AUTS2: variants seen among roughly 807,000 people sequenced by gnomAD.
The protein encoded by AUTS2 is autism susceptibility gene 2 protein.
In AUTS2, 17 loss-of-function variants were observed where a neutral mutation model predicts 112.4. The observed-to-expected ratio is 0.15, with a 90% confidence interval of 0.10 to 0.23. AUTS2 has a LOEUF of 0.23. Ranked by LOEUF, AUTS2 falls within the 10% of genes least tolerant of loss-of-function variation. The pLI, the probability that AUTS2 is intolerant of heterozygous loss-of-function variation, is 1.00. For missense variants in AUTS2, 1,510 were observed against 1,701.6 expected (o/e 0.89, Z 1.98); for synonymous variants, 751 against 702.7 (o/e 1.07, Z -1.09).
At chr7:70,131,471 T>C (rs531383616) in intron 3 of AUTS2, among the ~76,000 whole-genome samples, 1 of 152,324 alleles carries the variant, frequency 6.6e-6, no homozygotes, top group South Asian at 2.1e-4. Context: ...ACTTTCATGG[T>C]TCTTTACCTT....
At chr7:70,451,527 A>G (rs2131069208) in intron 5 of AUTS2, among the ~76,000 whole-genome samples, 1 of 152,252 alleles carries the variant, frequency 6.6e-6, no homozygotes, top group South Asian at 2.1e-4. Flanking sequence ...TTAAATGTAC[A>G]TTTCAGTAGT....
intron 4 of AUTS2, among the ~76,000 whole-genome samples, chr7:70,206,779 A>G (rs897023818): frequency 2.0e-5 from 3 of 152,194 alleles, no homozygotes; most frequent in African/African-American, 4.8e-5. Context: ...CTGCTAAACA[A>G]TTGATCTGGG....
chr7:70,721,671 G>A (rs1040271808), intron 6 of AUTS2, among the ~76,000 whole-genome samples: 12 of 152,096 alleles, frequency 7.9e-5, no homozygotes, highest in Non-Finnish European at 1.3e-4. Context: ...CCTGCTACTG[G>A]GCTAGTCAGA....
intron 1 of AUTS2, among the ~76,000 whole-genome samples, chr7:69,691,117 C>T (rs111256291): frequency 2.0e-5 from 3 of 152,264 alleles, no homozygotes; most frequent in African/African-American, 7.2e-5. Flanking sequence ...CTACCTGAGT[C>T]CGAGGGTTTT....
chr7:70,772,126 CCCATCGGCTGCAAACAGGGCCTG>C (rs1196950635), intron 11 of AUTS2, among the ~76,000 whole-genome samples: 6 of 152,154 alleles, frequency 3.9e-5, no homozygotes, highest in Non-Finnish European at 8.8e-5. Context: ...CCTCGCCAAC[CCCATCGGCTGCAAACAGGGCCTG>C]CCGGCAGGTG....
chr7:70,439,758 AT>A (rs1294200463), intron 5 of AUTS2, among the ~76,000 whole-genome samples: 1 of 152,168 alleles, frequency 6.6e-6, no homozygotes, highest in Non-Finnish European at 1.5e-5. Flanking sequence ...CAATTGCCAA[AT>A]ATTTGGCCTA....
At chr7:69,996,946 TAA>T (rs1161825217) in intron 2 of AUTS2, among the ~76,000 whole-genome samples, 72 of 99,008 alleles carry the variant, frequency 7.3e-4, no homozygotes, top group African/African-American at 2.2e-3. Context: ...CTGGAACACT[TAA>T]AAAAAAAAAA....
intron 5 of AUTS2, among the ~76,000 whole-genome samples, chr7:70,592,911 A>G (rs1803016302): frequency 6.6e-6 from 1 of 152,138 alleles, no homozygotes; most frequent in Non-Finnish European, 1.5e-5. Context: ...GTGCGGTGCC[A>G]CCATCTTGAC....
chr7:70,412,230 A>T (rs1005294416), intron 4 of AUTS2, among the ~76,000 whole-genome samples: 2 of 152,134 alleles, frequency 1.3e-5, no homozygotes, highest in Non-Finnish European at 2.9e-5. Flanking sequence ...CCTAGAAGAT[A>T]AATTTGGCCT....
chr7:69,914,013 A>G (rs1374779581), intron 2 of AUTS2, among the ~76,000 whole-genome samples: 5 of 152,138 alleles, frequency 3.3e-5, no homozygotes, highest in Admixed American at 2.6e-4. Context: ...TCTCGACCAT[A>G]TGGTTTATTT....
chr7:70,744,038 G>T (rs997544863), intron 6 of AUTS2, among the ~76,000 whole-genome samples: 1 of 147,604 alleles, frequency 6.8e-6, no homozygotes, highest in African/African-American at 2.5e-5. Flanking sequence ...TGTATTTCCA[G>T]CCCCGAGTGT....
intron 6 of AUTS2, among the ~76,000 whole-genome samples, chr7:70,752,388 A>G (rs536090538): frequency 1.3e-5 from 2 of 152,192 alleles, no homozygotes; most frequent in African/African-American, 4.8e-5. Context: ...TCAGGTCTCT[A>G]CATATCACAT....
chr7:70,064,195 C>T (rs1393722471), intron 2 of AUTS2, among the ~76,000 whole-genome samples: 1 of 152,184 alleles, frequency 6.6e-6, no homozygotes, highest in East Asian at 1.9e-4. Context: ...GGCTCGTGTA[C>T]ACCATGCTGA....
chr7:70,113,804 C>A (rs1225952727), intron 2 of AUTS2, among the ~76,000 whole-genome samples: 2 of 152,150 alleles, frequency 1.3e-5, no homozygotes, highest in Admixed American at 6.5e-5. Flanking sequence ...CATATCCAAG[C>A]TGAAAAGAAT....
chr7:69,929,464 T>G (rs940297866), intron 2 of AUTS2, among the ~76,000 whole-genome samples: 1 of 152,066 alleles, frequency 6.6e-6, no homozygotes, highest in African/African-American at 2.4e-5. Context: ...TCTCTTCTGC[T>G]TTACCTTTTC....
intron 4 of AUTS2, among the ~76,000 whole-genome samples, chr7:70,267,571 T>G (rs1022771225): frequency 1.2e-4 from 19 of 152,176 alleles, no homozygotes; most frequent in South Asian, 8.3e-4. Context: ...GGCAGACAGC[T>G]CCATGGCCTG....
intron 6 of AUTS2, among the ~76,000 whole-genome samples, chr7:70,761,378 C>T (rs1277372398): frequency 6.6e-6 from 1 of 152,230 alleles, no homozygotes; most frequent in Non-Finnish European, 1.5e-5. Context: ...ACATACTTTT[C>T]CCGTTTGATA....
At chr7:70,126,840 C>T (rs1446626614) in intron 3 of AUTS2, among the ~76,000 whole-genome samples, 3 of 152,156 alleles carry the variant, frequency 2.0e-5, no homozygotes, top group East Asian at 3.9e-4. Context: ...AAGATGGAGT[C>T]TTGCTGTGTC....
intron 2 of AUTS2, among the ~76,000 whole-genome samples, chr7:70,075,229 C>T (rs960236550): frequency 2.0e-5 from 3 of 152,212 alleles, no homozygotes; most frequent in African/African-American, 7.2e-5. Flanking sequence ...CTGTTGACTA[C>T]TTGTCTCCCC....
Sources: allele counts gnomAD v4.1 joint callset (sites outside exome capture counted in the v4.1 genomes callset), GRCh38; gene constraint gnomAD v4.1.1; transcripts MANE v1.5; gene names NCBI Gene and HGNC (gene_info 2026-07-23, HGNC 2026-07-21).